TNS1: variants seen among roughly 807,000 people sequenced by gnomAD.
TNS1 encodes tensin-1.
Under a neutral mutation model 168.6 loss-of-function variants are expected in TNS1, and 62 were observed. The ratio of observed to expected loss-of-function variants is 0.37; its 90% CI spans 0.30 to 0.45. TNS1 has a LOEUF of 0.45. Among genes scored for constraint, TNS1 ranks in the 20% least tolerant of loss-of-function variants. The pLI is 1.00. For synonymous variants in TNS1, 934 were observed against 933.2 expected (o/e 1.00, Z -0.02); for missense variants, 2,240 against 2,339.4 (o/e 0.96, Z 0.88).
At chr2:217,925,478 C>T (rs1363282031) in intron 3 of TNS1, among the ~76,000 whole-genome samples, 1 of 152,134 alleles carries the variant, frequency 6.6e-6, no homozygotes, top group African/African-American at 2.4e-5. Flanking sequence ...AAGGGGCTCA[C>T]CACACACACT....
In TNS1 at chr2:217,880,267, AT is replaced by A. The variant is rs150456045; in HGVS notation, c.1429+630del. Among the ~76,000 whole-genome samples the A allele has an allele frequency of 0.023, 3,517 of 152,290 alleles. 144 individuals are homozygous for A. Among genetic ancestry groups the A allele is most frequent in the African/African-American group, 0.078 (3,248 of 41,546 alleles). ...GAGTTGCAGTGGACCATTTGACATA[AT>A]GTTAGGTTTGTAGCTAAATTAAACA... On this transcript the variant is annotated intron_variant, in intron 18 of 32. Coordinates refer to ENST00000682258, the MANE Select transcript of TNS1 (RefSeq NM_001387777.1). This position sits in a 1 kb window ranked among gnomAD's most constrained non-coding sequence, Gnocchi z 4.2.
At chr2:217,956,098 G>A (rs1957354875) in intron 3 of TNS1, among the ~76,000 whole-genome samples, 2 of 152,110 alleles carry the variant, frequency 1.3e-5, no homozygotes, top group African/African-American at 4.8e-5. Context: ...AGAGAAAGGG[G>A]CTCCCCCACC....
intron 3 of TNS1, among the ~76,000 whole-genome samples, chr2:217,968,507 A>G (rs1375405843): frequency 2.0e-5 from 3 of 152,220 alleles, no homozygotes; most frequent in Admixed American, 2.0e-4. Flanking sequence ...CTAAAAATGA[A>G]ATTAAGAACA....
chr2:217,898,334 C>A (rs1952541008), intron 7 of TNS1, among the ~76,000 whole-genome samples: 1 of 152,374 alleles, frequency 6.6e-6, no homozygotes, highest in Admixed American at 6.5e-5. Context: ...TGGCTCCCAA[C>A]ACTGGCTGCC....
chr2:217,978,769 G>C lies in TNS1; in HGVS notation c.182C>G (p.Ala61Gly), dbSNP rs1460527602. The C allele has an allele frequency of 5.7e-6, 4 of 702,400 alleles. No individual in the cohort carries two copies. Among genetic ancestry groups the C allele is most frequent in the Non-Finnish European group, 1.0e-5 (4 of 384,574 alleles). The allele number at this position is 702,400 out of a possible 1,614,324, so 43.5% of individuals were successfully genotyped here. The change falls in exon 3 of 33, where the codon GCC becomes GGC. Residue 61 changes from alanine to glycine, a missense_variant. Around this residue, in one of 2 missense-constraint regions of TNS1, gnomAD observed 2,131 missense variants for 2,171.2 expected, o/e 0.98. Transcript: ENST00000682258. Reference sequence around the variant, plus strand: ...CGCCAGCCCGCGGCCCCTTACCTTGGCCTGGCATTTCCGATGACAGGAGAA... The same window carrying C: ...CGCCAGCCCGCGGCCCCTTACCTTGCCCTGGCATTTCCGATGACAGGAGAA... Reference protein sequence around the residue: ...CSFSCHRKCQAKVAAPCVPPS... With the variant: ...CSFSCHRKCQGKVAAPCVPPS...
intron 28 of TNS1, among the ~76,000 whole-genome samples, chr2:217,811,680 A>C (rs1283486673): frequency 6.6e-6 from 1 of 152,190 alleles, no homozygotes; most frequent in Non-Finnish European, 1.5e-5. Flanking sequence ...GTAGAGGCCT[A>C]TGCTGGGAGG....
intron 3 of TNS1, among the ~76,000 whole-genome samples, chr2:217,935,713 G>A (rs1956570935): frequency 6.6e-6 from 1 of 152,152 alleles, no homozygotes; most frequent in Non-Finnish European, 1.5e-5. Context: ...CTCTCCCACT[G>A]TATCAATAAT....
intron 32 of TNS1, among the ~76,000 whole-genome samples, chr2:217,805,574 C>T (rs1367356829): frequency 2.5e-3 from 1 of 394 alleles, no homozygotes. Context: ...ACCACACACA[C>T]CACACACACA....
Position 217,848,970 on chromosome 2 carries a change from G to A in TNS1, c.1547C>T (p.Ala516Val), listed in dbSNP as rs1470518765. 7 of 1,614,160 alleles carry A rather than the reference G, an allele frequency of 4.3e-6. No homozygotes were observed. The highest frequency in any genetic ancestry group is 5.9e-6 in the Non-Finnish European group (7 of 1,180,024). ...CGTGTGTTCCACGTGGTTGGGGGTG[G>A]CCGACAGTGTAGGACGTGTGGCATT... is the stretch of plus-strand genomic sequence containing the variant. ...AVNATRPTLS[A>V]TPNHVEHTLS... The change falls in exon 19 of 33, where the codon GCC becomes GTC. Residue 516 changes from alanine (A) to valine (V), a missense_variant. Ala to Val is a moderately conservative substitution (Grantham distance 64). Around this residue, in one of 2 missense-constraint regions of TNS1, gnomAD observed 2,131 missense variants for 2,171.2 expected, o/e 0.98. Transcript: ENST00000682258.
rs575869709 is a variant in TNS1, at chr2:217,910,484, G to C, written c.229-3233C>G. On this transcript the variant is annotated intron_variant, in intron 4 of 32. Coordinates refer to ENST00000682258, the MANE Select transcript of TNS1 (RefSeq NM_001387777.1). ...CTGTTTCCCAACACTTCCAGCCTTG[G>C]GGCTACTGGGAAGGAAAAAGGCATG... 2.6e-5 allele frequency among the ~76,000 whole-genome samples: 4 copies of C among 152,134 alleles called. 1 individual carries two copies. The South Asian group carries it at 8.3e-4, about 32-fold the overall frequency.
At chr2:217,963,584 A>G (rs1211002964) in intron 3 of TNS1, among the ~76,000 whole-genome samples, 3 of 152,194 alleles carry the variant, frequency 2.0e-5, no homozygotes, top group Admixed American at 1.3e-4. Context: ...GCTCTAATGT[A>G]TATTTCCAAA....
chr2:217,932,317 T>A lies in TNS1; in HGVS notation c.187-12081A>T, dbSNP rs78232484. The stretch of plus-strand genomic sequence containing the variant: ...TGCCAGTTTTGCTACAGACCAGCTA[T>A]TGATACCTTATTTAACTTCCCTGCG... On this transcript the variant is annotated intron_variant, in intron 3 of 32. Coordinates refer to ENST00000682258, the MANE Select transcript of TNS1 (RefSeq NM_001387777.1). 2.6e-5 allele frequency among the ~76,000 whole-genome samples: 4 copies of A among 152,282 alleles called. No homozygotes were observed. In the East Asian group the frequency reaches 5.8e-4, roughly 22 times the overall value.
chr2:217,820,613 G>A (rs996509891), intron 23 of TNS1, among the ~76,000 whole-genome samples: 7 of 152,152 alleles, frequency 4.6e-5, no homozygotes, highest in East Asian at 1.9e-4. Flanking sequence ...TGGGCACGGC[G>A]AAGAAGGGAT....
At chr2:217,985,451 T>C (rs1397265629) in intron 2 of TNS1, 1 of 152,032 alleles carries the variant, frequency 6.6e-6, no homozygotes, top group Non-Finnish European at 1.5e-5. Flanking sequence ...GGAGTTTCAC[T>C]CTTGTTGCCC....
chr2:217,861,016 G>A (rs1448727341), intron 18 of TNS1, among the ~76,000 whole-genome samples: 2 of 152,100 alleles, frequency 1.3e-5, no homozygotes, highest in African/African-American at 4.8e-5. Flanking sequence ...ATGGGGCCTG[G>A]GACTTTGAAT....
At chr2:217,850,442 C>T in intron 18 of TNS1, 27 of 985,316 alleles carry the variant, frequency 2.7e-5, no homozygotes, top group Non-Finnish European at 3.3e-5. Flanking sequence ...CCCTGAGCAA[C>T]ACTTTCTCTG....
At chr2:217,994,950 C>T (rs1958441600) in intron 1 of TNS1, among the ~76,000 whole-genome samples, 1 of 152,212 alleles carries the variant, frequency 6.6e-6, no homozygotes. Flanking sequence ...AGTGACCTTT[C>T]CTGAGCCTCA....
At chr2:217,868,903 C>T (rs1405569093) in intron 18 of TNS1, among the ~76,000 whole-genome samples, 2 of 152,224 alleles carry the variant, frequency 1.3e-5, no homozygotes, top group African/African-American at 4.8e-5. Context: ...TTAATGGAGG[C>T]AGCCGATTAC....
chr2:217,848,510 C>T lies in TNS1; in HGVS notation c.2007G>A (p.Leu669=). 6.2e-7 allele frequency: 1 copy of T among 1,613,606 alleles called. No homozygotes were observed. Among genetic ancestry groups the T allele is most frequent in the Non-Finnish European group, 8.5e-7 (1 of 1,179,634 alleles). ...TAGGCTCCATGGGGTAGGACTTGTC[C>T]AGACCGTTGGTCAGTGGGGACAGGG... ...PEALSPLTNG[L]DKSYPMEPMV... Residue 669 remains leucine (L), a synonymous_variant, in exon 19 of 33, where the codon CTG becomes CTA. Coordinates refer to ENST00000682258, the MANE Select transcript of TNS1 (RefSeq NM_001387777.1).
Sources: gnomAD v4.1 joint callset for allele counts (sites outside exome capture counted in the v4.1 genomes callset) on GRCh38, gnomAD v4.1.1 for gene constraint, gnomAD v4.1.1 regional missense constraint, Gnocchi (gnomAD v3.1) non-coding constraint, MANE v1.5 for transcripts, NCBI Gene and HGNC (gene_info 2026-07-23, HGNC 2026-07-21) for gene names.